HS3ST1: variants seen among roughly 807,000 people sequenced by gnomAD.
HS3ST1 encodes the protein heparan sulfate-glucosamine 3-sulfotransferase 1.
HS3ST1 carries 8 observed loss-of-function variants against 20.7 expected under a neutral mutation model. The observed-to-expected ratio is 0.39, with a 90% CI of 0.23 to 0.70. The LOEUF is 0.70. Among genes scored for constraint, HS3ST1 ranks in the 30% least tolerant of loss-of-function variants. The pLI, the probability that HS3ST1 is intolerant of heterozygous loss-of-function variation, is 0.46. For missense variants in HS3ST1, 436 were observed against 423.4 expected (o/e 1.03, Z -0.26); for synonymous variants, 205 against 190.4 (o/e 1.08, Z -0.63).
At chr4:11,406,212 C>A (rs974336075) in intron 1 of HS3ST1, among the ~76,000 whole-genome samples, 1 of 152,190 alleles carries the variant, frequency 6.6e-6, no homozygotes, top group Non-Finnish European at 1.5e-5. Flanking sequence ...ATACTTGCAA[C>A]AATACAAGAG....
intron 1 of HS3ST1, among the ~76,000 whole-genome samples, chr4:11,426,385 G>T (rs941720216): frequency 4.3e-5 from 6 of 140,690 alleles, no homozygotes; most frequent in African/African-American, 1.7e-4. Context: ...ACCCTCACAA[G>T]ATTTTTCCAG....
upstream of HS3ST1, among the ~76,000 whole-genome samples, chr4:11,432,109 C>A (rs1175148697): frequency 1.3e-5 from 2 of 152,136 alleles, no homozygotes; most frequent in Non-Finnish European, 2.9e-5. Context: ...TGCTATTTTT[C>A]TGGTTTTTCT....
chr4:11,417,780 C>T (rs1718824300), intron 1 of HS3ST1, among the ~76,000 whole-genome samples: 1 of 152,038 alleles, frequency 6.6e-6, no homozygotes, highest in South Asian at 2.1e-4. Context: ...AAAACAGAAG[C>T]CAGAAAGATA....
intron 1 of HS3ST1, among the ~76,000 whole-genome samples, chr4:11,428,218 G>A (rs1479213904): frequency 2.0e-5 from 3 of 152,204 alleles, no homozygotes; most frequent in Non-Finnish European, 4.4e-5. Context: ...AGGCAAACCC[G>A]ACCAAGGCTT....
At chr4:11,409,131 A>G (rs530543208) in intron 1 of HS3ST1, among the ~76,000 whole-genome samples, 5 of 152,136 alleles carry the variant, frequency 3.3e-5, no homozygotes, top group Non-Finnish European at 7.3e-5. Context: ...ACTCAGAAAC[A>G]TGGGTCTCCC....
At chr4:11,424,149 G>T (rs1208565041) in intron 1 of HS3ST1, among the ~76,000 whole-genome samples, 2 of 152,124 alleles carry the variant, frequency 1.3e-5, no homozygotes, top group Non-Finnish European at 2.9e-5. Flanking sequence ...CCAGGCACAG[G>T]GCCCAAGTCC....
At chr4:11,422,378 C>G (rs1718962030) in intron 1 of HS3ST1, among the ~76,000 whole-genome samples, 1 of 152,172 alleles carries the variant, frequency 6.6e-6, no homozygotes, top group Non-Finnish European at 1.5e-5. Context: ...AGCACATATT[C>G]TGGTGGGAGA....
chr4:11,431,150 G>A (rs953216996), upstream of HS3ST1, among the ~76,000 whole-genome samples: 2 of 150,744 alleles, frequency 1.3e-5, no homozygotes, highest in Non-Finnish European at 2.9e-5. Flanking sequence ...CTTGGGTATC[G>A]TGATTTAATG....
chr4:11,414,238 C>G (rs186216620), intron 1 of HS3ST1: 86 of 152,298 alleles, frequency 5.6e-4, no homozygotes, highest in African/African-American at 1.9e-3. Flanking sequence ...GTTCACTCAT[C>G]AAGTCCTGGT....
chr4:11,402,464 C>T (rs1435402500), intron 1 of HS3ST1, among the ~76,000 whole-genome samples: 1 of 152,152 alleles, frequency 6.6e-6, no homozygotes, highest in Non-Finnish European at 1.5e-5. Flanking sequence ...CTTCTCAAGT[C>T]ACCTATGTGG....
intron 1 of HS3ST1, among the ~76,000 whole-genome samples, chr4:11,423,328 G>T (rs1718985045): frequency 6.6e-6 from 1 of 152,116 alleles, no homozygotes; most frequent in African/African-American, 2.4e-5. Context: ...CCCAATGGAT[G>T]ATAGACCCAG....
At chr4:11,417,791 T>C (rs1450285989) in intron 1 of HS3ST1, among the ~76,000 whole-genome samples, 8 of 152,136 alleles carry the variant, frequency 5.3e-5, no homozygotes, top group South Asian at 2.1e-4. Flanking sequence ...CAGAAAGATA[T>C]CAGATTTGTA....
At position 11,399,722 on chromosome 4, in the gene HS3ST1, T is replaced by C; in HGVS notation, c.284A>G (p.His95Arg). ...GTACCAGCCCAAGCCGTGGCTGTAA[T>C]GCTCCTCCCAGTCGAAGAAGTGGAC... is the stretch of plus-strand genomic sequence containing the variant. ...NEVHFFDWEE[H>R]YSHGLGWYLS... The change falls in exon 2 of 2, where the codon CAT (histidine) becomes CGT (arginine). Residue 95 changes from histidine (H) to arginine (R), a missense_variant. Coordinates refer to ENST00000002596, the MANE Select transcript of HS3ST1 (RefSeq NM_005114.4). This position sits in a 1 kb window ranked among gnomAD's most constrained non-coding sequence, Gnocchi z 5.1. 1 of 1,613,880 alleles carries C rather than the reference T, an allele frequency of 6.2e-7. No homozygotes were observed.
chr4:11,411,691 C>T (rs1255183862), intron 1 of HS3ST1, among the ~76,000 whole-genome samples: 1 of 152,212 alleles, frequency 6.6e-6, no homozygotes, highest in Non-Finnish European at 1.5e-5. Context: ...GTTAATCCAT[C>T]AGTGGCCTGG....
At chr4:11,400,408 A>G (rs368365771) in intron 1 of HS3ST1, among the ~76,000 whole-genome samples, 87 of 152,316 alleles carry the variant, frequency 5.7e-4, no homozygotes, top group African/African-American at 2.0e-3. Flanking sequence ...AGAACACTCT[A>G]TTTATGGGCA....
At chr4:11,425,151 A>C (rs1719029970) in intron 1 of HS3ST1, among the ~76,000 whole-genome samples, 2 of 152,222 alleles carry the variant, frequency 1.3e-5, no homozygotes, top group African/African-American at 4.8e-5. Context: ...TCATTCAATT[A>C]TTCCAAATAT....
chr4:11,433,490 G>A (rs1027815059), upstream of HS3ST1, among the ~76,000 whole-genome samples: 1 of 152,172 alleles, frequency 6.6e-6, no homozygotes, highest in Admixed American at 6.5e-5. Context: ...GGCTTGAAGT[G>A]GTCCCCTTGT....
At chr4:11,411,611 C>T (rs961962264) in intron 1 of HS3ST1, among the ~76,000 whole-genome samples, 4 of 152,168 alleles carry the variant, frequency 2.6e-5, no homozygotes, top group African/African-American at 9.7e-5. Context: ...ACACAGCCCC[C>T]TCTGTAATCT....
chr4:11,432,835 T>G (rs1164774366), upstream of HS3ST1, among the ~76,000 whole-genome samples: 1 of 152,196 alleles, frequency 6.6e-6, no homozygotes, highest in African/African-American at 2.4e-5. Context: ...GGATTGTTGT[T>G]CCTTCCAACT....
Sources: gnomAD v4.1 joint callset for allele counts (sites outside exome capture counted in the v4.1 genomes callset) on GRCh38, gnomAD v4.1.1 for gene constraint, Gnocchi (gnomAD v3.1) non-coding constraint, MANE v1.5 for transcripts, NCBI Gene and HGNC (gene_info 2026-07-23, HGNC 2026-07-21) for gene names.